The following RPS6KA5 variants were observed in gnomAD, a reference collection of about 807,000 sequenced individuals.
RPS6KA5 encodes ribosomal protein S6 kinase A5.
RPS6KA5 carries 27 observed loss-of-function variants against 85.5 expected under a neutral mutation model. That is an observed-to-expected ratio of 0.32 (90% CI 0.23 to 0.44). RPS6KA5 has a LOEUF of 0.44. RPS6KA5 is among the 20% of genes least tolerant of loss of function. The probability of loss-of-function intolerance (pLI) is 1.00; values close to 1 mark genes in which losing one functional copy is unlikely to be tolerated. For missense variants in RPS6KA5, 811 were observed against 980.9 expected (o/e 0.83, Z 2.31); for synonymous variants, 334 against 348.2 (o/e 0.96, Z 0.46).
chr14:90,968,435 A>G (rs1404573850), intron 3 of RPS6KA5, among the ~76,000 whole-genome samples: 1 of 152,094 alleles, frequency 6.6e-6, no homozygotes, highest in Non-Finnish European at 1.5e-5. Context: ...ATTCTTCTTT[A>G]CCATGTAGCT....
At chr14:90,877,424 C>T (rs1055792376) in intron 14 of RPS6KA5, among the ~76,000 whole-genome samples, 4 of 152,208 alleles carry the variant, frequency 2.6e-5, no homozygotes, top group Non-Finnish European at 4.4e-5. Context: ...CCAAGATTAA[C>T]TGGAGTCTCA....
intron 7 of RPS6KA5, among the ~76,000 whole-genome samples, chr14:90,910,538 T>A (rs76279674): frequency 0.14 from 21,132 of 151,524 alleles, 1,811 homozygotes; most frequent in East Asian, 0.33. Flanking sequence ...TTAGAAAAAG[T>A]AAACCTATGA....
chr14:90,896,241 G>A (rs2034828978), intron 12 of RPS6KA5, among the ~76,000 whole-genome samples: 1 of 152,168 alleles, frequency 6.6e-6, no homozygotes, highest in African/African-American at 2.4e-5. Context: ...TAAAAAAGAT[G>A]TAAGGCAATA....
chr14:91,036,117 C>G (rs1165173211), intron 1 of RPS6KA5, among the ~76,000 whole-genome samples: 1 of 151,928 alleles, frequency 6.6e-6, no homozygotes, highest in Non-Finnish European at 1.5e-5. Flanking sequence ...CAACTCCCCA[C>G]AGTGAAGCAC....
intron 8 of RPS6KA5, among the ~76,000 whole-genome samples, chr14:90,904,781 T>A (rs2035410561): frequency 6.6e-6 from 1 of 152,198 alleles, no homozygotes; most frequent in African/African-American, 2.4e-5. Flanking sequence ...GTCCCTATCA[T>A]TTAAAAAGTC....
intron 2 of RPS6KA5, among the ~76,000 whole-genome samples, chr14:90,994,263 A>G (rs1290457162): frequency 6.6e-6 from 1 of 151,944 alleles, no homozygotes; most frequent in Non-Finnish European, 1.5e-5. Context: ...CTATCTTCCA[A>G]TCCACAATAA....
intron 1 of RPS6KA5, among the ~76,000 whole-genome samples, chr14:91,014,137 G>C (rs892891127): frequency 6.6e-6 from 1 of 152,236 alleles, no homozygotes; most frequent in East Asian, 1.9e-4. Context: ...GAACTTTATT[G>C]CATGCAAATT....
intron 1 of RPS6KA5, among the ~76,000 whole-genome samples, chr14:91,024,103 T>C (rs566363975): frequency 6.6e-6 from 1 of 152,230 alleles, no homozygotes; most frequent in Non-Finnish European, 1.5e-5. Context: ...AATTAAGTGT[T>C]CCCCTGCTTT....
chr14:90,993,546 T>C (rs2040394728), intron 2 of RPS6KA5, among the ~76,000 whole-genome samples: 1 of 152,228 alleles, frequency 6.6e-6, no homozygotes, highest in Admixed American at 6.5e-5. Flanking sequence ...AGTATACAAG[T>C]GTAGATTAAC....
At chr14:90,872,348 C>T in intron 16 of RPS6KA5, 26 bp from the exon 17 acceptor site, 4 of 1,586,108 alleles carry the variant, frequency 2.5e-6, no homozygotes, top group Non-Finnish European at 3.4e-6. Context: ...AAGGGAACCC[C>T]TGTGAAGGTA....
intron 13 of RPS6KA5, 21 bp from the exon 14 acceptor site, chr14:90,890,699 C>T (rs1566698653): frequency 6.3e-7 from 1 of 1,593,808 alleles, no homozygotes; most frequent in South Asian, 1.1e-5. Flanking sequence ...TCAATGCTTA[C>T]ATTAGTTTCT....
At chr14:90,997,408 T>G (rs1284555401) in intron 2 of RPS6KA5, among the ~76,000 whole-genome samples, 1 of 152,216 alleles carries the variant, frequency 6.6e-6, no homozygotes, top group Non-Finnish European at 1.5e-5. Flanking sequence ...AGAGAGACGG[T>G]CTTGCTCTGT....
chr14:90,886,847 T>C (rs1275367120), intron 14 of RPS6KA5, among the ~76,000 whole-genome samples: 1 of 152,260 alleles, frequency 6.6e-6, no homozygotes, highest in Non-Finnish European at 1.5e-5. Context: ...CCATCAGGTA[T>C]AATGGGTTGT....
chr14:90,875,170 T>C (rs1323837149), intron 15 of RPS6KA5, 31 bp downstream of exon 15: 3 of 1,592,606 alleles, frequency 1.9e-6, no homozygotes, highest in East Asian at 2.2e-5. Flanking sequence ...CTACACATCA[T>C]ATAAAATGTA....
In RPS6KA5 at chr14:90,858,189, T is replaced by C. The variant is rs1206638260; in HGVS notation, c.*13885A>G. On this transcript the variant is annotated 3_prime_UTR_variant, in exon 17 of 17. Transcript: ENST00000614987. ...ATTCATTTAATTTTACGTAAACACATTCTTTGAGGCTAAAGCAAATCTGAC... is the reference window on the plus strand; with the variant it reads ...ATTCATTTAATTTTACGTAAACACACTCTTTGAGGCTAAAGCAAATCTGAC... 5.3e-5 allele frequency: 8 copies of C among 152,090 alleles called. No individual in the cohort carries two copies. The highest frequency in any genetic ancestry group is 1.2e-4 in the Non-Finnish European group (8 of 68,012). 9.4% of individuals were successfully genotyped at this position (152,090 alleles called of 1,614,324 possible).
intron 2 of RPS6KA5, among the ~76,000 whole-genome samples, chr14:90,994,811 A>AAT (rs2040451482): frequency 6.6e-6 from 1 of 151,666 alleles, no homozygotes; most frequent in Non-Finnish European, 1.5e-5. Flanking sequence ...TGACCTCATG[A>AAT]TCCGCCTGCC....
At chr14:91,009,516 C>A (rs1222364919) in intron 1 of RPS6KA5, among the ~76,000 whole-genome samples, 1 of 152,182 alleles carries the variant, frequency 6.6e-6, no homozygotes, top group African/African-American at 2.4e-5. Flanking sequence ...TCCTAAAGTG[C>A]TGGAATTACA....
At position 91,005,457 on chromosome 14, in the gene RPS6KA5, A is replaced by T. The variant is rs74541581; in HGVS notation, c.104-4298T>A. 1.6e-3 allele frequency among the ~76,000 whole-genome samples: 239 copies of T among 152,304 alleles called. 1 individual carries two copies. Among genetic ancestry groups the T allele is most frequent in the African/African-American group, 5.4e-3 (226 of 41,566 alleles). Reference sequence around the variant, plus strand: ...AGTCTTTTCCATTACATCTACTGGCAAAGTAAGTAAACACACATATGAGAG... The same window carrying T: ...AGTCTTTTCCATTACATCTACTGGCTAAGTAAGTAAACACACATATGAGAG... On this transcript the variant is annotated intron_variant, in intron 1 of 16. Coordinates refer to ENST00000614987, the MANE Select transcript of RPS6KA5 (RefSeq NM_004755.4).
rs1469555494 is a variant in RPS6KA5, at chr14:90,859,463, G to A, written c.*12611C>T. 1 of 152,114 alleles carries A rather than the reference G, an allele frequency of 6.6e-6. No individual in the cohort carries two copies. The highest frequency in any genetic ancestry group is 2.1e-4 in the South Asian group (1 of 4,832). The allele number at this position is 152,114 out of a possible 1,614,324, so 9.4% of individuals were successfully genotyped here. A position where few individuals can be genotyped will look rare whatever the true frequency, so the allele number is the denominator to read the frequency against. On this transcript the variant is annotated 3_prime_UTR_variant, in exon 17 of 17. Coordinates refer to ENST00000614987, the MANE Select transcript of RPS6KA5 (RefSeq NM_004755.4). ...AAATTACTTTGATTAATGTGTTCAAGAATATAGAGGAAAAGACAAGATATG... is the reference window on the plus strand; with the variant it reads ...AAATTACTTTGATTAATGTGTTCAAAAATATAGAGGAAAAGACAAGATATG...
Sources: allele counts gnomAD v4.1 joint callset (sites outside exome capture counted in the v4.1 genomes callset), GRCh38; gene constraint gnomAD v4.1.1; transcripts MANE v1.5; gene names NCBI Gene and HGNC (gene_info 2026-07-23, HGNC 2026-07-21).